BAIAP2: variants seen among roughly 807,000 people sequenced by gnomAD.
BAIAP2 encodes BAR/IMD domain-containing adapter protein 2.
Under a neutral mutation model 63.0 loss-of-function variants are expected in BAIAP2, and 18 were observed. The observed-to-expected ratio is 0.29, with a 90% CI of 0.20 to 0.42. The LOEUF (loss-of-function observed/expected upper bound fraction) is 0.42, where lower values mean the gene tolerates loss of function less well. Ranked by LOEUF, BAIAP2 falls within the 10% of genes least tolerant of loss-of-function variation. The pLI, the probability that BAIAP2 is intolerant of heterozygous loss-of-function variation, is 1.00. For missense variants in BAIAP2, 610 were observed against 734.3 expected (o/e 0.83, Z 1.96); for synonymous variants, 386 against 307.6 (o/e 1.25, Z -2.67).
At chr17:81,050,083 G>A (rs577941548) in intron 1 of BAIAP2, among the ~76,000 whole-genome samples, 18 of 152,350 alleles carry the variant, frequency 1.2e-4, no homozygotes, top group African/African-American at 4.3e-4. Context: ...GGAGGAACCC[G>A]GAGGAGGGGT....
chr17:81,076,979 CAAG>C (rs796558636), intron 3 of BAIAP2, among the ~76,000 whole-genome samples: 6 of 152,194 alleles, frequency 3.9e-5, no homozygotes, highest in African/African-American at 1.4e-4. Context: ...TCTAAAAAGA[CAAG>C]AAGGAGACTC....
At chr17:81,074,474 G>A (rs1282991633) in intron 3 of BAIAP2, among the ~76,000 whole-genome samples, 2 of 151,418 alleles carry the variant, frequency 1.3e-5, no homozygotes, top group African/African-American at 2.4e-5. Flanking sequence ...GTGCATGCAC[G>A]GATACATGTG....
chr17:81,112,594 G>T (rs2060046271), intron 13 of BAIAP2, among the ~76,000 whole-genome samples: 1 of 152,220 alleles, frequency 6.6e-6, no homozygotes, highest in Non-Finnish European at 1.5e-5. Flanking sequence ...ATTCCAGAAG[G>T]GCCCACCTTC....
intron 13 of BAIAP2, chr17:81,109,270 T>G: frequency 1.5e-6 from 2 of 1,301,882 alleles, no homozygotes; most frequent in Middle Eastern, 2.6e-4. Flanking sequence ...TGCTGGGCCG[T>G]GCGGGGCACC....
chr17:81,109,694 T>C (rs1157982692), intron 13 of BAIAP2: 2 of 985,212 alleles, frequency 2.0e-6, no homozygotes, highest in Non-Finnish European at 1.2e-6. Context: ...CAGGTGTACA[T>C]AGAGCAGCGC....
intron 3 of BAIAP2, 53 bp from the exon 4 acceptor site, chr17:81,084,779 G>A (rs191702753): frequency 1.3e-6 from 2 of 1,577,862 alleles, no homozygotes; most frequent in African/African-American, 1.3e-5. Context: ...GATGACGGTG[G>A]TGACTGCGAG....
At chr17:81,040,756 A>T (rs1233286069) in intron 1 of BAIAP2, among the ~76,000 whole-genome samples, 1 of 152,216 alleles carries the variant, frequency 6.6e-6, no homozygotes, top group Non-Finnish European at 1.5e-5. Context: ...TGCAGTTGGA[A>T]TCCCTGTTTC....
At chr17:81,107,055 G>A in intron 12 of BAIAP2, 148 bp downstream of exon 12, 1 of 1,007,900 alleles carries the variant, frequency 9.9e-7, no homozygotes. Flanking sequence ...GCATGATTTG[G>A]GAATGTGTAC....
intron 6 of BAIAP2, chr17:81,098,030 C>T (rs1246104254): frequency 9.3e-6 from 10 of 1,079,038 alleles, no homozygotes; most frequent in African/African-American, 1.6e-5. Context: ...TGCCATAGGG[C>T]TGTGGTGTCA....
At chr17:81,052,084 T>C (rs1198395899) in intron 1 of BAIAP2, among the ~76,000 whole-genome samples, 3 of 152,194 alleles carry the variant, frequency 2.0e-5, no homozygotes, top group Non-Finnish European at 4.4e-5. Context: ...CATTAGCACA[T>C]CCACCTCTTC....
chr17:81,055,722 C>T (rs545546658), intron 2 of BAIAP2, among the ~76,000 whole-genome samples: 208 of 151,962 alleles, frequency 1.4e-3, no homozygotes, highest in Admixed American at 2.0e-3. Flanking sequence ...CCTGCCACCA[C>T]GCCCGGCTAA....
chr17:81,085,520 CA>C (rs773883333), intron 4 of BAIAP2, 133 bp from the exon 5 acceptor site: 16 of 744,938 alleles, frequency 2.1e-5, no homozygotes, highest in South Asian at 1.5e-4. Flanking sequence ...GCTCATCAGT[CA>C]GGGGGAGGGG....
intron 12 of BAIAP2, chr17:81,107,121 G>A (rs142879611): frequency 5.7e-4 from 331 of 582,470 alleles, no homozygotes; most frequent in Middle Eastern, 2.3e-3. Context: ...TCCCTGTGTC[G>A]GCATGCTGGG....
chr17:81,059,527 C>CT (rs1382616822), intron 3 of BAIAP2, among the ~76,000 whole-genome samples: 1 of 152,232 alleles, frequency 6.6e-6, no homozygotes, highest in Non-Finnish European at 1.5e-5. Context: ...TCACTGTGGC[C>CT]TTGAACTCAT....
Position 81,086,541 on chromosome 17 carries a change from C to A in BAIAP2, c.450C>A (p.Gly150=). 2 of 1,613,850 alleles carry A rather than the reference C, an allele frequency of 1.2e-6. No individual in the cohort carries two copies. The highest frequency in any genetic ancestry group is 1.1e-5 in the South Asian group (1 of 91,082). ...ELKKLRKKSQ[G]SKNPQKYSDK... Reference sequence around the variant, plus strand: ...AGAAGCTTCGGAAGAAGAGCCAGGGCAGCAAGAATCCTCAGAAGTACTCGG... The same window carrying A: ...AGAAGCTTCGGAAGAAGAGCCAGGGAAGCAAGAATCCTCAGAAGTACTCGG... Residue 150 remains glycine (G), a synonymous_variant, in exon 6 of 14, where the codon GGC becomes GGA. Transcript: ENST00000428708.
intron 13 of BAIAP2, among the ~76,000 whole-genome samples, chr17:81,112,996 A>C (rs2060091380): frequency 6.6e-6 from 1 of 152,228 alleles, no homozygotes; most frequent in African/African-American, 2.4e-5. Context: ...TGGAGGTTGC[A>C]GTGAGCTACA....
intron 6 of BAIAP2, among the ~76,000 whole-genome samples, chr17:81,092,209 C>G (rs2056889323): frequency 6.6e-6 from 1 of 152,280 alleles, no homozygotes; most frequent in Non-Finnish European, 1.5e-5. Context: ...GAGCACCAGG[C>G]TCCTGGGAGC....
intron 3 of BAIAP2, among the ~76,000 whole-genome samples, chr17:81,067,210 G>T (rs577077633): frequency 2.6e-5 from 4 of 152,360 alleles, no homozygotes; most frequent in African/African-American, 7.2e-5. Flanking sequence ...ACTCCGGCAG[G>T]GGTGCTCCAG....
At chr17:81,050,153 C>T (rs58337218) in intron 1 of BAIAP2, among the ~76,000 whole-genome samples, 44,457 of 152,140 alleles carry the variant, frequency 0.29, 6,809 homozygotes, top group Non-Finnish European at 0.33. Flanking sequence ...TCTGCTGGCC[C>T]AGCGGCTGGA....
Sources: allele counts gnomAD v4.1 joint callset (sites outside exome capture counted in the v4.1 genomes callset), GRCh38; gene constraint gnomAD v4.1.1; transcripts MANE v1.5; gene names NCBI Gene and HGNC (gene_info 2026-07-23, HGNC 2026-07-21).